Variants in DYNC2H1 observed in about 807,000 individuals in gnomAD.
DYNC2H1 encodes the protein dynein cytoplasmic 2 heavy chain 1.
Under a neutral mutation model 570.0 loss-of-function variants are expected in DYNC2H1, and 410 were observed. That is an observed-to-expected ratio of 0.72 (90% CI 0.66 to 0.78). The LOEUF (loss-of-function observed/expected upper bound fraction) is 0.78, where lower values mean the gene tolerates loss of function less well. DYNC2H1 is among the 30% of genes least tolerant of loss of function. DYNC2H1 has a pLI of 0.00. For missense variants in DYNC2H1, 4,865 were observed against 5,046.4 expected (o/e 0.96, Z 1.09); for synonymous variants, 1,688 against 1,677.6 (o/e 1.01, Z -0.15).
At chr11:103,250,839 T>C (rs1344274376) in intron 65 of DYNC2H1, among the ~76,000 whole-genome samples, 1 of 152,086 alleles carries the variant, frequency 6.6e-6, no homozygotes, top group Non-Finnish European at 1.5e-5. Context: ...GGTTGGAGAT[T>C]TTCTAGTTAC....
At chr11:103,195,058 TA>T (rs975434165) in intron 47 of DYNC2H1, among the ~76,000 whole-genome samples, 7 of 152,184 alleles carry the variant, frequency 4.6e-5, no homozygotes, top group Admixed American at 2.0e-4. Flanking sequence ...ATGTGTATAT[TA>T]GAGATACCAA....
intron 83 of DYNC2H1, among the ~76,000 whole-genome samples, chr11:103,380,884 AGGTGGAAT>A (rs1941615268): frequency 6.6e-6 from 1 of 152,198 alleles, no homozygotes; most frequent in Admixed American, 6.5e-5. Flanking sequence ...AGACAAAAAA[AGGTGGAAT>A]GGTATACCAG....
At chr11:103,294,462 T>G (rs1014150934) in intron 75 of DYNC2H1, among the ~76,000 whole-genome samples, 10 of 152,194 alleles carry the variant, frequency 6.6e-5, no homozygotes, top group African/African-American at 2.2e-4. Context: ...ACTCTATGAC[T>G]CTTGCAGACT....
Position 103,220,762 on chromosome 11 carries a change from C to A in DYNC2H1, c.9086C>A (p.Thr3029Lys). ...GVLRLMGIFD[T>K]SWVSMKSFLA... ...TTAAGGTTGATGGGTATCTTTGATA[C>A]ATCTTGGGTGAGCATGAAAAGGTAC... The change falls in exon 57 of 89, where the codon ACA becomes AAA. Residue 3029 changes from threonine to lysine, a missense_variant. Physicochemically the swap from Thr to Lys is moderately conservative, Grantham distance 78 (BLOSUM62 -1). Around this residue, in one of 5 missense-constraint regions of DYNC2H1, gnomAD observed 2,401 missense variants for 2,454.6 expected, o/e 0.98. Coordinates refer to ENST00000375735, the MANE Select transcript of DYNC2H1 (RefSeq NM_001377.3). 1.2e-6 allele frequency: 2 copies of A among 1,610,786 alleles called. No individual in the cohort carries two copies. Among genetic ancestry groups the A allele is most frequent in the Non-Finnish European group, 8.5e-7 (1 of 1,178,436 alleles).
chr11:103,121,668 G>A (rs1050712738), intron 10 of DYNC2H1, among the ~76,000 whole-genome samples, 172 bp downstream of exon 10: 1 of 152,082 alleles, frequency 6.6e-6, no homozygotes, highest in African/African-American at 2.4e-5. Context: ...GAGTCGTAAT[G>A]GTTCTATTCC....
At chr11:103,180,086 G>A (rs1446739338) in intron 39 of DYNC2H1, among the ~76,000 whole-genome samples, 1 of 151,456 alleles carries the variant, frequency 6.6e-6, no homozygotes, top group Non-Finnish European at 1.5e-5. Context: ...TTAGCCAGAA[G>A]CTTCAATTGA....
At chr11:103,380,251 G>C (rs1941583843) in intron 83 of DYNC2H1, among the ~76,000 whole-genome samples, 2 of 152,134 alleles carry the variant, frequency 1.3e-5, no homozygotes, top group African/African-American at 4.8e-5. Flanking sequence ...GTACTGGTCT[G>C]AATCACTTCT....
At chr11:103,285,079 G>T (rs1211232466) in intron 73 of DYNC2H1, among the ~76,000 whole-genome samples, 5 of 152,068 alleles carry the variant, frequency 3.3e-5, no homozygotes, top group Non-Finnish European at 7.4e-5. Flanking sequence ...AAACAAATAG[G>T]GTTTAGAAAA....
intron 11 of DYNC2H1, among the ~76,000 whole-genome samples, chr11:103,124,266 G>A (rs1565318751): frequency 6.6e-6 from 1 of 151,692 alleles, no homozygotes; most frequent in African/African-American, 2.4e-5. Flanking sequence ...GAGCAACATG[G>A]CGAAATCCTG....
At position 103,289,207 on chromosome 11, in the gene DYNC2H1, A is replaced by G. The variant is rs117560790; in HGVS notation, c.11095+1602A>G. The stretch of plus-strand genomic sequence containing the variant: ...GCCCCTACTCACCAAATCGTCTTTA[A>G]AAACTCTGATCCTGAATGCTCAGGG... On this transcript the variant is annotated intron_variant, in intron 75 of 88. Transcript: ENST00000375735. This position sits in a 1 kb window ranked among gnomAD's most constrained non-coding sequence, Gnocchi z 4.2. Among the ~76,000 whole-genome samples the G allele has an allele frequency of 3.5e-4, 54 of 152,288 alleles. No individual in the cohort carries two copies. Among genetic ancestry groups the G allele is most frequent in the Non-Finnish European group, 6.5e-4 (44 of 68,028 alleles).
At chr11:103,231,232 A>G in intron 59 of DYNC2H1, 28 bp from the exon 60 acceptor site, 1 of 1,386,432 alleles carries the variant, frequency 7.2e-7, no homozygotes, top group Non-Finnish European at 1.0e-6. Flanking sequence ...AAATAGAATG[A>G]CTTGTATAAT....
At chr11:103,337,960 G>A (rs887820989) in intron 82 of DYNC2H1, among the ~76,000 whole-genome samples, 17 of 152,126 alleles carry the variant, frequency 1.1e-4, no homozygotes, top group African/African-American at 3.9e-4. Flanking sequence ...GTCCAGATTA[G>A]TGTCCTGAAG....
rs772809033 is a variant in DYNC2H1 at position 103,241,966 on chromosome 11, C to T, written c.9820-1727C>T. Among the ~76,000 whole-genome samples, 6 of 152,078 alleles carry T rather than the reference C, an allele frequency of 3.9e-5. No homozygotes were observed. Among genetic ancestry groups the T allele is most frequent in the Non-Finnish European group, 7.4e-5 (5 of 68,020 alleles). ...TTGGTGATATAAAACTATTCGTCCA[C>T]AGGGCAGATAATTCCCACTATCTCC... On this transcript the variant is annotated intron_variant, in intron 63 of 88. Transcript: ENST00000375735. The surrounding 1 kb of genome is among the most constrained non-coding windows in gnomAD (Gnocchi z 5.1).
chr11:103,332,216 G>A (rs1938844680), intron 82 of DYNC2H1, among the ~76,000 whole-genome samples: 1 of 150,152 alleles, frequency 6.7e-6, no homozygotes, highest in African/African-American at 2.5e-5. Context: ...TCTTCAACAA[G>A]TTTATAGACT....
rs1427112984 is a variant in DYNC2H1, at chr11:103,439,577, A to T, written c.12456+3545A>T. ...TTAGCTGCAGTATGGAGAGAGTCTTAGTCTACTTTGTGGCAAAAGGTTTAA... is the reference window on the plus strand; with the variant it reads ...TTAGCTGCAGTATGGAGAGAGTCTTTGTCTACTTTGTGGCAAAAGGTTTAA... On this transcript the variant is annotated intron_variant, in intron 85 of 88. Coordinates refer to ENST00000375735, the MANE Select transcript of DYNC2H1 (RefSeq NM_001377.3). This position sits in a 1 kb window ranked among gnomAD's most constrained non-coding sequence, Gnocchi z 4.1. 6.6e-6 allele frequency among the ~76,000 whole-genome samples: 1 copy of T among 152,084 alleles called. No individual in the cohort carries two copies. The highest frequency in any genetic ancestry group is 1.9e-4 in the East Asian group (1 of 5,180).
At position 103,155,458 on chromosome 11, in the gene DYNC2H1, T is replaced by C; in HGVS notation, c.3701T>C (p.Leu1234Pro). ...GAGAAACTACTGTTTGGTGATTTGC[T>C]CAGAGTAGCTGATACAATTGTAGCC... ...SLEKLLFGDL[L>P]RVADTIVAKA... The change falls in exon 25 of 89, where the codon CTC (leucine) becomes CCC (proline). Residue 1234 changes from leucine to proline, a missense_variant. Leu to Pro is a moderately conservative substitution (Grantham distance 98, BLOSUM62 -3). This residue lies in a region of DYNC2H1 where 1,936 missense variants were observed against 1,962.1 expected (regional missense o/e 0.99). Transcript: ENST00000375735. 6.2e-7 allele frequency: 1 copy of C among 1,612,334 alleles called. No homozygotes were observed. The highest frequency in any genetic ancestry group is 8.5e-7 in the Non-Finnish European group (1 of 1,179,062).
rs553039905 is a variant in DYNC2H1, at chr11:103,303,081, T to C, written c.11096-12T>C. On this transcript the variant is annotated splice_polypyrimidine_tract_variant and intron_variant, in intron 75 of 88. Transcript: ENST00000375735. ...CTGCTTTTATTTTTAATTTTTAAAA[T>C]ATATATTTTAGGACTGAAAGAGGTG... 1.0e-5 allele frequency: 15 copies of C among 1,432,504 alleles called. No individual in the cohort carries two copies. The highest frequency in any genetic ancestry group is 1.4e-5 in the African/African-American group (1 of 69,002). 88.7% of individuals were successfully genotyped at this position (1,432,504 alleles called of 1,614,324 possible). A position where few individuals can be genotyped will look rare whatever the true frequency, so the allele number is the denominator to read the frequency against.
At position 103,324,182 on chromosome 11, in the gene DYNC2H1, T is replaced by C. The variant is rs2135445377; in HGVS notation, c.12039+192T>C. Among the ~76,000 whole-genome samples the C allele has an allele frequency of 6.6e-6, 1 of 152,298 alleles. No homozygotes were observed. Among genetic ancestry groups the C allele is most frequent in the South Asian group, 2.1e-4 (1 of 4,826 alleles). ...TTCTGATTTTTTTTCTTTTTAAACTTTTATTTTAGACTCAGGGGAAATGTG... is the reference window on the plus strand; with the variant it reads ...TTCTGATTTTTTTTCTTTTTAAACTCTTATTTTAGACTCAGGGGAAATGTG... On this transcript the variant is annotated intron_variant, in intron 82 of 88. Transcript: ENST00000375735. The surrounding 1 kb of genome is among the most constrained non-coding windows in gnomAD (Gnocchi z 5.2).
chr11:103,376,063 A>G (rs1054060329), intron 83 of DYNC2H1, among the ~76,000 whole-genome samples: 2 of 152,152 alleles, frequency 1.3e-5, no homozygotes, highest in African/African-American at 4.8e-5. Flanking sequence ...TGTTCTGATG[A>G]TAGTGAGTGA....
Sources: allele counts gnomAD v4.1 joint callset (sites outside exome capture counted in the v4.1 genomes callset), GRCh38; gene constraint gnomAD v4.1.1; regional missense constraint gnomAD v4.1.1; non-coding constraint Gnocchi (gnomAD v3.1); transcripts MANE v1.5; gene names NCBI Gene and HGNC (gene_info 2026-07-23, HGNC 2026-07-21).